The following SEPTIN14 variants were observed in gnomAD, a reference collection of about 807,000 sequenced individuals.
The protein encoded by SEPTIN14 is septin 14.
Under a neutral mutation model 53.6 loss-of-function variants are expected in SEPTIN14, and 40 were observed. The observed-to-expected ratio is 0.75, with a 90% CI of 0.58 to 0.97. The LOEUF is 0.97. SEPTIN14 is among the 50% of genes least tolerant of loss of function. The pLI, the probability that SEPTIN14 is intolerant of heterozygous loss-of-function variation, is 0.00. For synonymous variants in SEPTIN14, 138 were observed against 166.8 expected, an observed-to-expected ratio of 0.83 and a Z score of 1.33; for missense variants, 471 against 508.2, an observed-to-expected ratio of 0.93 and a Z score of 0.70.
At position 55,844,506 on chromosome 7, in the gene SEPTIN14, A is replaced by T; in HGVS notation, c.371+17T>A. 1 of 1,397,614 alleles carries T rather than the reference A, an allele frequency of 7.2e-7. No individual in the cohort carries two copies. The highest frequency in any genetic ancestry group is 2.3e-5 in the Admixed American group (1 of 43,446). 86.6% of individuals were successfully genotyped at this position (1,397,614 alleles called of 1,614,324 possible). ...AAATAAGAAAACCTTTTTTAATTTA[A>T]ATAAGAAAACACTCACCTGGCTTCT... is the stretch of plus-strand genomic sequence containing the variant. On this transcript the variant is annotated intron_variant, in intron 4 of 9. Coordinates refer to ENST00000388975, the MANE Select transcript of SEPTIN14 (RefSeq NM_207366.3).
Position 55,805,265 on chromosome 7 carries a change from T to C in SEPTIN14, c.1112A>G (p.Glu371Gly). The change falls in exon 9 of 10, where the codon GAA becomes GGA. Residue 371 changes from glutamate to glycine, a missense_variant. Physicochemically the swap from Glu to Gly is moderately conservative, Grantham distance 98. Coordinates refer to ENST00000388975, the MANE Select transcript of SEPTIN14 (RefSeq NM_207366.3). ...KEKEATFKEA[E>G]KELQDKFEHL... The stretch of plus-strand genomic sequence containing the variant: ...CAAACTGTCAGTACTAACCTCTTTT[T>C]CAGCTTCTTTAAATGTTGCTTCTTT... 6.2e-7 allele frequency: 1 copy of C among 1,611,866 alleles called. No individual in the cohort carries two copies.
chr7:55,857,507 G>GGGAAGGGAAA, intron 2 of SEPTIN14, among the ~76,000 whole-genome samples: 1 of 117,148 alleles, frequency 8.5e-6, no homozygotes, highest in African/African-American at 3.3e-5. Flanking sequence ...GGGAAGGGAA[G>GGGAAGGGAAA]GGAAGGGAAG....
At chr7:55,812,962 T>C (rs2115978814) in intron 7 of SEPTIN14, among the ~76,000 whole-genome samples, 1 of 152,124 alleles carries the variant, frequency 6.6e-6, no homozygotes, top group Admixed American at 6.6e-5. Flanking sequence ...GCCTTTTTTT[T>C]TTTTTTAGAT....
chr7:55,854,142 C>T (rs890276147), intron 2 of SEPTIN14, among the ~76,000 whole-genome samples: 1 of 151,608 alleles, frequency 6.6e-6, no homozygotes, highest in Admixed American at 6.6e-5. Flanking sequence ...ATTTAAAAAT[C>T]AATAAACATA....
chr7:55,858,642 T>TAAA (rs200002348), intron 2 of SEPTIN14, among the ~76,000 whole-genome samples: 2,048 of 152,166 alleles, frequency 0.013, 38 homozygotes, highest in African/African-American at 0.041. Context: ...CCCTCTCCAC[T>TAAA]AAAAATACAA....
chr7:55,850,548 T>C (rs1350614281), intron 2 of SEPTIN14, among the ~76,000 whole-genome samples: 1 of 152,194 alleles, frequency 6.6e-6, no homozygotes, highest in African/African-American at 2.4e-5. Context: ...TTCTGTCATG[T>C]GCATAGCTGC....
chr7:55,838,119 T>A (rs1308732906), intron 5 of SEPTIN14, among the ~76,000 whole-genome samples: 1 of 152,170 alleles, frequency 6.6e-6, no homozygotes, highest in Non-Finnish European at 1.5e-5. Flanking sequence ...ATTAGAAAAA[T>A]TAATCAAATG....
chr7:55,806,998 T>C, intron 8 of SEPTIN14, 92 bp downstream of exon 8: 1 of 907,296 alleles, frequency 1.1e-6, no homozygotes. Context: ...ATGGGAGAAG[T>C]ATAATTATTC....
intron 5 of SEPTIN14, among the ~76,000 whole-genome samples, chr7:55,840,188 A>G: frequency 6.8e-6 from 1 of 147,484 alleles, no homozygotes; most frequent in Non-Finnish European, 1.5e-5. Context: ...TGGCACCCTT[A>G]TAAGAAGATA....
At chr7:55,823,277 AC>A (rs2116004857) in intron 6 of SEPTIN14, among the ~76,000 whole-genome samples, 1 of 151,964 alleles carries the variant, frequency 6.6e-6, no homozygotes, top group South Asian at 2.1e-4. Flanking sequence ...CTTTGTTTTA[AC>A]CTTTTTGCAT....
At chr7:55,816,511 C>T (rs772428778) in intron 7 of SEPTIN14, among the ~76,000 whole-genome samples, 21 of 151,680 alleles carry the variant, frequency 1.4e-4, no homozygotes, top group Non-Finnish European at 2.2e-4. Flanking sequence ...AATTAAAAAA[C>T]ACAGGCCCAG....
At chr7:55,797,689 C>T (rs1788453111) in intron 9 of SEPTIN14, among the ~76,000 whole-genome samples, 1 of 152,192 alleles carries the variant, frequency 6.6e-6, no homozygotes, top group Admixed American at 6.5e-5. Flanking sequence ...AAGAATGCAG[C>T]TGGGCATGGT....
intron 2 of SEPTIN14, among the ~76,000 whole-genome samples, chr7:55,861,567 C>A (rs1005307473): frequency 6.6e-6 from 1 of 151,902 alleles, no homozygotes; most frequent in Non-Finnish European, 1.5e-5. Context: ...AGCCATCCAA[C>A]CATTTGCTAA....
chr7:55,809,816 C>A, intron 7 of SEPTIN14, among the ~76,000 whole-genome samples: 1 of 145,770 alleles, frequency 6.9e-6, no homozygotes, highest in African/African-American at 2.5e-5. Context: ...TGCTTGCCAG[C>A]ACTTGTAATG....
At chr7:55,801,043 A>G (rs1287949823) in intron 9 of SEPTIN14, among the ~76,000 whole-genome samples, 2 of 152,182 alleles carry the variant, frequency 1.3e-5, no homozygotes, top group African/African-American at 4.8e-5. Context: ...ATCAATAGTT[A>G]TGGGATACAG....
At position 55,810,817 on chromosome 7, in the gene SEPTIN14, A is replaced by G. The variant is rs114001370; in HGVS notation, c.818-3559T>C. 693 of 254,042 alleles carry G rather than the reference A, an allele frequency of 2.7e-3. 5 individuals carry two copies. The highest frequency in any genetic ancestry group is 0.015 in the African/African-American group (644 of 43,958). 15.7% of individuals were successfully genotyped at this position (254,042 alleles called of 1,614,324 possible). ...ATCCGCTCTCCTGTGGCAGGAGTGC[A>G]CAGACCAGGGATCATGAAGACCCTC... On this transcript the variant is annotated intron_variant, in intron 7 of 9. Transcript: ENST00000388975.
intron 7 of SEPTIN14, 150 bp from the exon 8 acceptor site, chr7:55,807,408 G>A (rs1788627665): frequency 3.5e-6 from 2 of 569,492 alleles, no homozygotes; most frequent in Admixed American, 7.4e-5. Context: ...TTTTAAGCAT[G>A]TAAGTGTGGT....
chr7:55,834,446 A>AAG lies in SEPTIN14; in HGVS notation c.698_699insCT (p.Gln234PhefsTer16). The AAG allele has an allele frequency of 6.2e-7, 1 of 1,611,494 alleles. No individual in the cohort carries two copies. ...TTACACTAACTGAGGAGTTCGCTTG[A>AAG]GCAGCAGTTTCTTCATCTGTTGGGA... On this transcript the variant is annotated frameshift_variant, in exon 6 of 10. Coordinates refer to ENST00000388975, the MANE Select transcript of SEPTIN14 (RefSeq NM_207366.3). LOFTEE classifies it high-confidence loss of function.
At chr7:55,853,965 T>C (rs954584331) in intron 2 of SEPTIN14, among the ~76,000 whole-genome samples, 1 of 151,616 alleles carries the variant, frequency 6.6e-6, no homozygotes, top group African/African-American at 2.4e-5. Context: ...AAATAAAAAC[T>C]AAAAAAATAG....
Sources: allele counts gnomAD v4.1 joint callset (sites outside exome capture counted in the v4.1 genomes callset), GRCh38; gene constraint gnomAD v4.1.1; transcripts MANE v1.5; gene names NCBI Gene and HGNC (gene_info 2026-07-23, HGNC 2026-07-21).